HS6ST2: variants seen among roughly 807,000 people sequenced by gnomAD.
The protein encoded by HS6ST2 is heparan-sulfate 6-O-sulfotransferase 2.
Under a neutral mutation model 33.0 loss-of-function variants are expected in HS6ST2, and 17 were observed. That is an observed-to-expected ratio of 0.52 (90% confidence interval 0.35 to 0.77). The LOEUF (loss-of-function observed/expected upper bound fraction) is 0.77. Among genes scored for constraint, HS6ST2 ranks in the 30% least tolerant of loss-of-function variants. The probability of loss-of-function intolerance (pLI) is 0.01; values close to 1 mark genes in which losing one functional copy is unlikely to be tolerated. For missense variants in HS6ST2, 519 were observed against 551.7 expected (o/e 0.94, Z 0.59); for synonymous variants, 248 against 237.1 (o/e 1.05, Z -0.42).
At chrX:132,954,684 A>G (rs1422508742) in intron 2 of HS6ST2, among the ~76,000 whole-genome samples, 1 of 111,831 alleles carries the variant, frequency 8.9e-6, no homozygotes, top group Non-Finnish European at 1.9e-5. Flanking sequence ...TTCTCTAGCA[A>G]GTTTTATTTC....
At chrX:132,685,447 T>C (rs1201651554) in intron 3 of HS6ST2, among the ~76,000 whole-genome samples, 2 of 111,889 alleles carry the variant, frequency 1.8e-5, no homozygotes. Context: ...GTGGAGCCAG[T>C]GTAGGCGGTG....
At chrX:132,781,686 C>T (rs1165638131) in intron 2 of HS6ST2, among the ~76,000 whole-genome samples, 3 of 111,271 alleles carry the variant, frequency 2.7e-5, no homozygotes, top group Admixed American at 9.6e-5. Context: ...GGAAGGTGAA[C>T]GGGAAGCAAG....
intron 3 of HS6ST2, among the ~76,000 whole-genome samples, chrX:132,691,824 T>C (rs746117717): frequency 1.8e-5 from 2 of 111,757 alleles, no homozygotes; most frequent in African/African-American, 3.3e-5. Flanking sequence ...AAGTTGCATA[T>C]TTTTAACAGC....
intron 2 of HS6ST2, among the ~76,000 whole-genome samples, chrX:132,884,880 G>A (rs916126193): frequency 2.7e-5 from 3 of 111,497 alleles, no homozygotes; most frequent in African/African-American, 9.8e-5. Context: ...CCTGCAAGTG[G>A]TGATAGAGAG....
At chrX:132,659,935 T>G (rs1022901458) in intron 4 of HS6ST2, among the ~76,000 whole-genome samples, 1 of 112,098 alleles carries the variant, frequency 8.9e-6, no homozygotes, top group Non-Finnish European at 1.9e-5. Flanking sequence ...TAAAGAACTA[T>G]TCCCATTTCT....
At chrX:132,660,780 C>T (rs2063765817) in intron 4 of HS6ST2, among the ~76,000 whole-genome samples, 1 of 111,912 alleles carries the variant, frequency 8.9e-6, no homozygotes, top group African/African-American at 3.2e-5. Context: ...CACCAAAAAA[C>T]TCATAGCTAT....
rs2064380333 is a variant in HS6ST2, at chrX:132,725,227, A to G, written c.948-16733T>C. Among the ~76,000 whole-genome samples, 8 of 111,081 alleles carry G rather than the reference A, an allele frequency of 7.2e-5. No homozygotes were observed. The South Asian group carries it at 3.0e-3, about 42-fold the overall frequency. Reference sequence around the variant, plus strand: ...GTGAAGAGAGAAATAATATAATATAATAATATAATAAAGTGAAGGGAAAAT... The same window carrying G: ...GTGAAGAGAGAAATAATATAATATAGTAATATAATAAAGTGAAGGGAAAAT... On this transcript the variant is annotated intron_variant, in intron 2 of 4. Transcript: ENST00000370833.
intron 3 of HS6ST2, among the ~76,000 whole-genome samples, chrX:132,688,040 T>C (rs1405616377): frequency 8.9e-6 from 1 of 112,687 alleles, no homozygotes; most frequent in Non-Finnish European, 1.9e-5. Context: ...TGAGCCACCA[T>C]GCCCAGCCAA....
chrX:132,728,346 C>A (rs1300956611), intron 2 of HS6ST2, among the ~76,000 whole-genome samples: 3 of 112,198 alleles, frequency 2.7e-5, no homozygotes, highest in African/African-American at 9.7e-5. Context: ...ACTCAATTAG[C>A]CCAAATGATT....
At chrX:132,735,421 C>T (rs2064498724) in intron 2 of HS6ST2, 2 of 111,586 alleles carry the variant, frequency 1.8e-5, no homozygotes, top group African/African-American at 3.3e-5. Context: ...GTGTCAAAAA[C>T]GTGTAAAGAT....
At chrX:132,931,705 A>G (rs1458211773) in intron 2 of HS6ST2, among the ~76,000 whole-genome samples, 3 of 111,956 alleles carry the variant, frequency 2.7e-5, no homozygotes, top group Non-Finnish European at 5.6e-5. Context: ...TTATTATAGC[A>G]TAAGGGAAAG....
At chrX:132,945,101 G>A (rs942820150) in intron 2 of HS6ST2, among the ~76,000 whole-genome samples, 15 of 111,523 alleles carry the variant, frequency 1.3e-4, no homozygotes, top group Non-Finnish European at 2.3e-4. Context: ...TTGCAATCTA[G>A]CCATCTGACA....
chrX:132,839,842 C>A (rs747356653), intron 2 of HS6ST2, among the ~76,000 whole-genome samples: 24 of 111,030 alleles, frequency 2.2e-4, no homozygotes, highest in Middle Eastern at 4.7e-3. Context: ...TCTGGCCGGG[C>A]ACGGTGGTTC....
chrX:132,759,397 T>A (rs1020924857), intron 2 of HS6ST2, among the ~76,000 whole-genome samples: 1 of 111,614 alleles, frequency 9.0e-6, no homozygotes, highest in Non-Finnish European at 1.9e-5. Context: ...TTTAGGAATA[T>A]GTTTCTGATT....
intron 2 of HS6ST2, among the ~76,000 whole-genome samples, chrX:132,894,902 C>T (rs1044457598): frequency 4.1e-4 from 46 of 112,034 alleles, no homozygotes; most frequent in African/African-American, 1.4e-3. Flanking sequence ...GATACAGTTT[C>T]CAAAGGGACA....
intron 2 of HS6ST2, among the ~76,000 whole-genome samples, chrX:132,780,755 A>G (rs2065010427): frequency 9.0e-6 from 1 of 111,666 alleles, no homozygotes; most frequent in Non-Finnish European, 1.9e-5. Context: ...AGCCCTTGAC[A>G]ATGAATATTC....
At chrX:132,943,685 G>T (rs1199655921) in intron 2 of HS6ST2, among the ~76,000 whole-genome samples, 1 of 111,265 alleles carries the variant, frequency 9.0e-6, no homozygotes, top group African/African-American at 3.3e-5. Context: ...TCATCCCTGG[G>T]ATGCAAGGCT....
At chrX:132,844,588 A>C (rs1331443426) in intron 2 of HS6ST2, among the ~76,000 whole-genome samples, 1 of 111,146 alleles carries the variant, frequency 9.0e-6, no homozygotes, top group Non-Finnish European at 1.9e-5. Context: ...CATCAGCAGA[A>C]TGAGCTCTCC....
chrX:132,628,616 C>T lies in HS6ST2; in HGVS notation c.1545G>A (p.Lys515=). 2.5e-6 allele frequency: 3 copies of T among 1,211,060 alleles called. No individual in the cohort carries two copies. Among genetic ancestry groups the T allele is most frequent in the Non-Finnish European group, 3.4e-6 (3 of 895,214 alleles). The part of the protein sequence containing the change: ...SSVEINEEIQ[K]RIEGLNFLDM... ...CCAGAAAATTCAGTCCCTCAATACG[C>T]TTTTGAATTTCCTCATTGATCTCTA... Residue 515 remains lysine, a synonymous_variant, in exon 5 of 5, where the codon AAG becomes AAA. Coordinates refer to ENST00000370833, the MANE Select transcript of HS6ST2 (RefSeq NM_001394073.1).
Sources: allele counts gnomAD v4.1 joint callset (sites outside exome capture counted in the v4.1 genomes callset), GRCh38; gene constraint gnomAD v4.1.1; transcripts MANE v1.5; gene names NCBI Gene and HGNC (gene_info 2026-07-23, HGNC 2026-07-21).